Variants in RAP1GDS1 observed in about 807,000 individuals in gnomAD.
The protein encoded by RAP1GDS1 is Rap1 GTPase-GDP dissociation stimulator 1, also known as RAP1, GTP-GDP dissociation stimulator 1.
RAP1GDS1 carries 35 observed loss-of-function variants against 71.1 expected under a neutral mutation model. The ratio of observed to expected loss-of-function variants is 0.49; its 90% CI spans 0.38 to 0.65. The LOEUF is 0.65. Ranked by LOEUF, RAP1GDS1 falls within the 30% of genes least tolerant of loss-of-function variation. The pLI is 0.00. For missense variants in RAP1GDS1, 663 were observed against 706.1 expected (o/e 0.94, Z 0.69); for synonymous variants, 229 against 243.1 (o/e 0.94, Z 0.54).
At chr4:98,322,869 G>A (rs1578434060) in intron 2 of RAP1GDS1, among the ~76,000 whole-genome samples, 2 of 128,080 alleles carry the variant, frequency 1.6e-5, no homozygotes, top group Admixed American at 7.5e-5. Context: ...AACTAGAAAA[G>A]CAAGAGCAAA....
chr4:98,305,584 CT>C (rs1180394169), intron 2 of RAP1GDS1, among the ~76,000 whole-genome samples: 4 of 152,160 alleles, frequency 2.6e-5, no homozygotes, highest in Non-Finnish European at 5.9e-5. Context: ...GAAAGACCAT[CT>C]TAAAATCAAT....
chr4:98,427,250 A>G (rs1379546245), intron 12 of RAP1GDS1, among the ~76,000 whole-genome samples: 1 of 152,200 alleles, frequency 6.6e-6, no homozygotes, highest in African/African-American at 2.4e-5. Flanking sequence ...AGAAACTCAT[A>G]TCCAACATAA....
At chr4:98,414,843 C>A (rs1192869574) in intron 7 of RAP1GDS1, among the ~76,000 whole-genome samples, 5 of 151,828 alleles carry the variant, frequency 3.3e-5, no homozygotes, top group African/African-American at 1.2e-4. Context: ...TCTTCCTACC[C>A]ATGAGCATGG....
chr4:98,438,182 G>A (rs1004791575), intron 14 of RAP1GDS1, among the ~76,000 whole-genome samples: 9 of 151,706 alleles, frequency 5.9e-5, no homozygotes, highest in Admixed American at 1.3e-4. Context: ...CCTCTCTCTG[G>A]TATTTTTCTT....
chr4:98,288,472 A>T (rs1469620148), intron 1 of RAP1GDS1, among the ~76,000 whole-genome samples: 1 of 152,274 alleles, frequency 6.6e-6, no homozygotes, highest in East Asian at 1.9e-4. Context: ...TGCTATTGTG[A>T]ATAGTGCCGC....
At chr4:98,375,540 A>T (rs1741045982) in intron 4 of RAP1GDS1, among the ~76,000 whole-genome samples, 1 of 152,220 alleles carries the variant, frequency 6.6e-6, no homozygotes, top group Admixed American at 6.5e-5. Context: ...AAACCACAGA[A>T]TATTAAAAGC....
At chr4:98,308,304 T>G (rs535456117) in intron 2 of RAP1GDS1, among the ~76,000 whole-genome samples, 2 of 109,488 alleles carry the variant, frequency 1.8e-5, no homozygotes, top group Non-Finnish European at 3.4e-5. Context: ...ACACTATATA[T>G]ATATATATAT....
intron 2 of RAP1GDS1, among the ~76,000 whole-genome samples, chr4:98,332,248 A>T (rs1018290603): frequency 6.6e-6 from 1 of 152,206 alleles, no homozygotes; most frequent in African/African-American, 2.4e-5. Context: ...TAAACAATAA[A>T]ATTAGTACCT....
intron 7 of RAP1GDS1, among the ~76,000 whole-genome samples, chr4:98,410,816 A>T (rs1746954703): frequency 6.6e-6 from 1 of 152,198 alleles, no homozygotes; most frequent in African/African-American, 2.4e-5. Context: ...AGTTTTTAGG[A>T]ATGATTATTT....
chr4:98,347,535 A>G (rs1736475216), intron 3 of RAP1GDS1, among the ~76,000 whole-genome samples: 1 of 152,220 alleles, frequency 6.6e-6, no homozygotes, highest in Admixed American at 6.5e-5. Context: ...AAAAAAAGTG[A>G]ATTCTATGTT....
At chr4:98,415,224 G>T (rs185256528) in intron 7 of RAP1GDS1, among the ~76,000 whole-genome samples, 37 of 152,222 alleles carry the variant, frequency 2.4e-4, no homozygotes, top group Admixed American at 2.4e-3. Context: ...GTCTTCTCTT[G>T]TTCTGTAAAA....
intron 1 of RAP1GDS1, among the ~76,000 whole-genome samples, chr4:98,284,412 T>G (rs1350967421): frequency 6.6e-6 from 1 of 152,142 alleles, no homozygotes; most frequent in Admixed American, 6.6e-5. Flanking sequence ...GCTAAAAATA[T>G]AATCGTTTTT....
chr4:98,434,358 A>C (rs1438857021), intron 13 of RAP1GDS1, among the ~76,000 whole-genome samples: 4 of 152,188 alleles, frequency 2.6e-5, no homozygotes, highest in African/African-American at 9.6e-5. Flanking sequence ...CTTCACAGAG[A>C]AACCAAACAA....
In RAP1GDS1 at chr4:98,391,955, C is replaced by T. The variant is rs768706040; in HGVS notation, c.512C>T (p.Ser171Leu). The change falls in exon 6 of 15, where the codon TCG becomes TTG. Residue 171 changes from serine to leucine, a missense_variant. By Grantham distance (145) the Ser-to-Leu change is moderately radical. Transcript: ENST00000408927. Reference protein sequence around the residue: ...MLMNYSNENDSLQAQLINMGV... With the variant: ...MLMNYSNENDLLQAQLINMGV... ...TGTTTTTTTTTTGTTTTTACAGATTCGCTTCAAGCTCAGCTTATCAATATG... is the reference window on the plus strand; with the variant it reads ...TGTTTTTTTTTTGTTTTTACAGATTTGCTTCAAGCTCAGCTTATCAATATG... The T allele has an allele frequency of 5.3e-5, 84 of 1,572,648 alleles. No individual in the cohort carries two copies. Among genetic ancestry groups the T allele is most frequent in the Non-Finnish European group, 6.7e-5 (78 of 1,163,584 alleles).
chr4:98,436,179 A>G (rs554736469), intron 13 of RAP1GDS1, among the ~76,000 whole-genome samples: 1 of 152,100 alleles, frequency 6.6e-6, no homozygotes, highest in Non-Finnish European at 1.5e-5. Context: ...CCTTTCGTTG[A>G]AAAGCTGTCT....
intron 2 of RAP1GDS1, among the ~76,000 whole-genome samples, chr4:98,295,667 T>G (rs746958599): frequency 7.9e-5 from 12 of 152,254 alleles, no homozygotes; most frequent in Non-Finnish European, 1.5e-4. Flanking sequence ...AATTGTAATC[T>G]GAATAAAGTG....
intron 5 of RAP1GDS1, among the ~76,000 whole-genome samples, chr4:98,383,384 A>G (rs1742291972): frequency 6.6e-6 from 1 of 151,576 alleles, no homozygotes; most frequent in South Asian, 2.1e-4. Flanking sequence ...AGGCTTCTTC[A>G]TCTGACCTAT....
intron 4 of RAP1GDS1, among the ~76,000 whole-genome samples, chr4:98,364,129 ATATCTT>A (rs1238918469): frequency 6.6e-6 from 1 of 152,234 alleles, no homozygotes; most frequent in African/African-American, 2.4e-5. Flanking sequence ...GGCGATTTCT[ATATCTT>A]TATATTCTTT....
chr4:98,325,712 A>G (rs2110353182), intron 2 of RAP1GDS1, among the ~76,000 whole-genome samples: 1 of 146,072 alleles, frequency 6.8e-6, no homozygotes, highest in African/African-American at 2.5e-5. Context: ...CATAGGTGGG[A>G]ATTGAACAAT....
Sources: allele counts gnomAD v4.1 joint callset (sites outside exome capture counted in the v4.1 genomes callset), GRCh38; gene constraint gnomAD v4.1.1; transcripts MANE v1.5; gene names NCBI Gene and HGNC (gene_info 2026-07-23, HGNC 2026-07-21).